The following GRID1 variants were observed in gnomAD, a reference collection of about 807,000 sequenced individuals.
GRID1 encodes glutamate ionotropic receptor delta type subunit 1.
Under a neutral mutation model 98.0 loss-of-function variants are expected in GRID1, and 28 were observed. The observed-to-expected ratio is 0.29, with a 90% CI of 0.21 to 0.39. GRID1 has a LOEUF of 0.39. GRID1 is among the 10% of genes least tolerant of loss of function. GRID1 has a pLI of 1.00. For synonymous variants in GRID1, 553 were observed against 538.5 expected (o/e 1.03, Z -0.37); for missense variants, 1,111 against 1,340.5 (o/e 0.83, Z 2.67).
chr10:85,818,564 T>C (rs73330557), intron 8 of GRID1, among the ~76,000 whole-genome samples: 1 of 152,126 alleles, frequency 6.6e-6, no homozygotes, highest in Non-Finnish European at 1.5e-5. Flanking sequence ...TGGCTAATTC[T>C]AGGTCAGAGG....
chr10:85,955,948 AG>A (rs1262419104), intron 4 of GRID1, among the ~76,000 whole-genome samples: 2 of 152,146 alleles, frequency 1.3e-5, no homozygotes, highest in East Asian at 3.9e-4. Context: ...TAAGGAAATT[AG>A]GATGTGACAT....
intron 13 of GRID1, among the ~76,000 whole-genome samples, chr10:85,641,178 A>T (rs998933242): frequency 2.0e-5 from 3 of 152,216 alleles, no homozygotes; most frequent in African/African-American, 7.2e-5. Context: ...GTTATGCTGG[A>T]TGTTGCTTGA....
rs767178353 is a variant in GRID1, at chr10:85,808,985, CAG to C, written c.1233+45509_1233+45510del. Among the ~76,000 whole-genome samples, 4 of 151,628 alleles carry C rather than the reference CAG, an allele frequency of 2.6e-5. No individual in the cohort carries two copies. The South Asian group carries it at 6.2e-4, about 24-fold the overall frequency. ...TATTATGCTTGTATGTCAAAGAAAA[CAG>C]AGGAAATGAGAGACAACCTGAATGA... On this transcript the variant is annotated intron_variant, in intron 8 of 15. Transcript: ENST00000327946.
intron 12 of GRID1, among the ~76,000 whole-genome samples, chr10:85,656,737 C>A (rs572428303): frequency 6.6e-6 from 1 of 152,214 alleles, no homozygotes; most frequent in Non-Finnish European, 1.5e-5. Context: ...CATTTCCTAT[C>A]TCTTCTATCA....
chr10:85,900,821 C>A (rs536862918), intron 5 of GRID1, among the ~76,000 whole-genome samples: 1 of 151,960 alleles, frequency 6.6e-6, no homozygotes, highest in Non-Finnish European at 1.5e-5. Context: ...ACATGTATGA[C>A]GAATGAACAA....
intron 4 of GRID1, among the ~76,000 whole-genome samples, chr10:86,016,021 G>A (rs538230657): frequency 2.0e-4 from 30 of 152,120 alleles, no homozygotes; most frequent in Non-Finnish European, 2.9e-4. Context: ...GGAAGTTACC[G>A]AGCATTATGT....
intron 2 of GRID1, among the ~76,000 whole-genome samples, chr10:86,275,428 A>G (rs1321853569): frequency 6.6e-6 from 1 of 152,130 alleles, no homozygotes; most frequent in Non-Finnish European, 1.5e-5. Flanking sequence ...ACCATGCCTA[A>G]GGAAGCCCAG....
intron 4 of GRID1, among the ~76,000 whole-genome samples, chr10:86,011,623 A>T (rs1055150666): frequency 2.0e-5 from 3 of 152,228 alleles, no homozygotes; most frequent in African/African-American, 4.8e-5. Flanking sequence ...CTCTGAGAAG[A>T]CTATTCCAAG....
rs980319219 is a variant in GRID1 at position 86,307,070 on chromosome 10, C to A, written c.235+56871G>T. Among the ~76,000 whole-genome samples, 11 of 152,092 alleles carry A rather than the reference C, an allele frequency of 7.2e-5. 1 individual carries two copies. Among genetic ancestry groups the A allele is most frequent in the African/African-American group, 2.4e-4 (10 of 41,388 alleles). On this transcript the variant is annotated intron_variant, in intron 2 of 15. Transcript: ENST00000327946. ...GGTGAAGATGTGGAGAAAATGGAAG[C>A]TTTGCACACTGTTGGTAAGAATATA...
intron 8 of GRID1, among the ~76,000 whole-genome samples, chr10:85,827,862 T>A (rs1333201597): frequency 1.3e-5 from 2 of 152,142 alleles, no homozygotes; most frequent in African/African-American, 4.8e-5. Context: ...CCACTTATAG[T>A]ATTCGACAGA....
chr10:85,693,465 G>A (rs1590192509), intron 12 of GRID1, among the ~76,000 whole-genome samples: 1 of 151,966 alleles, frequency 6.6e-6, no homozygotes, highest in African/African-American at 2.4e-5. Flanking sequence ...AAGACCTTAA[G>A]TTAATAATAA....
At chr10:85,711,252 A>C (rs954565023) in intron 12 of GRID1, among the ~76,000 whole-genome samples, 4 of 152,012 alleles carry the variant, frequency 2.6e-5, no homozygotes. Flanking sequence ...TGAATGGATA[A>C]ATAAAATATG....
intron 4 of GRID1, among the ~76,000 whole-genome samples, chr10:86,018,925 C>T (rs1215516289): frequency 1.3e-5 from 2 of 152,202 alleles, no homozygotes; most frequent in Non-Finnish European, 2.9e-5. Context: ...GATGCAAATT[C>T]CATCCATGAT....
intron 12 of GRID1, among the ~76,000 whole-genome samples, chr10:85,670,289 A>G (rs894865632): frequency 6.6e-6 from 1 of 152,258 alleles, no homozygotes; most frequent in East Asian, 1.9e-4. Context: ...TAGACGATTC[A>G]AAGACCAAAA....
intron 8 of GRID1, among the ~76,000 whole-genome samples, chr10:85,756,193 A>G (rs768284540): frequency 1.6e-4 from 24 of 152,170 alleles, no homozygotes; most frequent in Non-Finnish European, 2.6e-4. Flanking sequence ...TTAACTAAGC[A>G]CTTATCATGC....
intron 2 of GRID1, among the ~76,000 whole-genome samples, chr10:86,274,951 G>A (rs1468058282): frequency 1.3e-5 from 2 of 152,108 alleles, no homozygotes; most frequent in Admixed American, 6.6e-5. Context: ...ACACTATGTT[G>A]AATAGGAGTG....
At chr10:85,999,624 C>T (rs927426054) in intron 4 of GRID1, among the ~76,000 whole-genome samples, 1 of 152,062 alleles carries the variant, frequency 6.6e-6, no homozygotes, top group African/African-American at 2.4e-5. Context: ...TATGTCATGG[C>T]CATGTTGGAT....
chr10:85,741,060 T>C (rs1841938537), intron 8 of GRID1, among the ~76,000 whole-genome samples: 1 of 152,104 alleles, frequency 6.6e-6, no homozygotes, highest in South Asian at 2.1e-4. Context: ...CCCACATAAC[T>C]TTTTGTTAAG....
At chr10:85,712,009 T>C (rs540780427) in intron 12 of GRID1, among the ~76,000 whole-genome samples, 5 of 151,842 alleles carry the variant, frequency 3.3e-5, no homozygotes, top group East Asian at 1.9e-4. Flanking sequence ...ATATGATGTG[T>C]GTACATATAC....
Sources: allele counts gnomAD v4.1 joint callset (sites outside exome capture counted in the v4.1 genomes callset), GRCh38; gene constraint gnomAD v4.1.1; transcripts MANE v1.5; gene names NCBI Gene and HGNC (gene_info 2026-07-23, HGNC 2026-07-21).